PCDHA13: variants seen among roughly 807,000 people sequenced by gnomAD.
PCDHA13 encodes the protein protocadherin alpha 13.
A neutral mutation model predicts 64.8 loss-of-function variants in PCDHA13; 54 were observed. That is an observed-to-expected ratio of 0.83 (90% CI 0.67 to 1.04). The LOEUF (loss-of-function observed/expected upper bound fraction) is 1.04, where lower values mean the gene tolerates loss of function less well. Ranked by LOEUF, PCDHA13 falls within the 50% of genes least tolerant of loss-of-function variation. The pLI is 0.00. For synonymous variants in PCDHA13, 587 were observed against 564.4 expected (o/e 1.04, Z -0.57); for missense variants, 1,248 against 1,254.3 (o/e 0.99, Z 0.08).
intron 1 of PCDHA13, among the ~76,000 whole-genome samples, chr5:140,917,329 GA>G (rs1467900886): frequency 0.012 from 1,654 of 143,658 alleles, 142 homozygotes; most frequent in African/African-American, 0.032. Context: ...TGTGGCGGGG[GA>G]GGGGGGGGAT....
intron 1 of PCDHA13, among the ~76,000 whole-genome samples, chr5:140,931,683 A>C (rs1482331530): frequency 6.6e-6 from 1 of 151,950 alleles, no homozygotes; most frequent in Non-Finnish European, 1.5e-5. Flanking sequence ...AAATAAATGA[A>C]TTGTGATTCA....
At chr5:140,909,598 T>A (rs934160611) in intron 1 of PCDHA13, among the ~76,000 whole-genome samples, 1 of 152,198 alleles carries the variant, frequency 6.6e-6, no homozygotes, top group Non-Finnish European at 1.5e-5. Flanking sequence ...ATTTACTATT[T>A]TTCTAGGTAG....
intron 1 of PCDHA13, among the ~76,000 whole-genome samples, chr5:140,960,167 CTTAAG>C (rs1291277794): frequency 1.3e-5 from 2 of 152,052 alleles, no homozygotes; most frequent in Non-Finnish European, 2.9e-5. Context: ...TAATACAATT[CTTAAG>C]TTAGGGGTTG....
intron 3 of PCDHA13, among the ~76,000 whole-genome samples, chr5:140,988,416 A>G (rs1462025901): frequency 6.6e-6 from 1 of 152,118 alleles, no homozygotes; most frequent in Non-Finnish European, 1.5e-5. Flanking sequence ...AGCTTATGTA[A>G]AGAATTTGTT....
chr5:140,925,166 A>G (rs2082364629), intron 1 of PCDHA13, among the ~76,000 whole-genome samples: 1 of 152,126 alleles, frequency 6.6e-6, no homozygotes, highest in Admixed American at 6.5e-5. Context: ...GAATTGTGTA[A>G]TTGACCCCAA....
intron 1 of PCDHA13, among the ~76,000 whole-genome samples, chr5:140,895,002 A>C (rs1003440406): frequency 6.6e-6 from 1 of 152,030 alleles, no homozygotes; most frequent in Non-Finnish European, 1.5e-5. Flanking sequence ...TACCCTTTTT[A>C]CTTGGACCTT....
intron 1 of PCDHA13, among the ~76,000 whole-genome samples, chr5:140,913,380 T>C (rs1436602497): frequency 6.6e-6 from 1 of 152,226 alleles, no homozygotes; most frequent in Non-Finnish European, 1.5e-5. Context: ...ATATAGTGGC[T>C]CATCATAGCC....
intron 1 of PCDHA13, among the ~76,000 whole-genome samples, chr5:140,913,558 G>C (rs1042223174): frequency 2.6e-5 from 4 of 151,668 alleles, no homozygotes; most frequent in African/African-American, 4.8e-5. Flanking sequence ...TTGATCTCTT[G>C]TATTTTCATC....
intron 1 of PCDHA13, chr5:140,966,616 G>A: frequency 1.3e-6 from 1 of 788,372 alleles, no homozygotes; most frequent in South Asian, 2.7e-5. Context: ...AGGGCCTACG[G>A]AGGGAGCGGC....
At chr5:140,945,838 G>A (rs1415502139) in intron 1 of PCDHA13, among the ~76,000 whole-genome samples, 2 of 151,896 alleles carry the variant, frequency 1.3e-5, no homozygotes, top group African/African-American at 4.8e-5. Context: ...AACTCAAAAT[G>A]GATTAAAGAC....
intron 1 of PCDHA13, among the ~76,000 whole-genome samples, chr5:140,961,356 CA>C (rs1164957121): frequency 1.3e-5 from 2 of 152,168 alleles, no homozygotes; most frequent in Non-Finnish European, 2.9e-5. Context: ...CTGTAGTCCC[CA>C]TTAGAATTCT....
intron 1 of PCDHA13, among the ~76,000 whole-genome samples, chr5:140,961,121 T>A (rs551567804): frequency 6.6e-6 from 1 of 152,330 alleles, no homozygotes; most frequent in African/African-American, 2.4e-5. Context: ...TGCATCTTAA[T>A]GTCTTGGCAC....
intron 1 of PCDHA13, among the ~76,000 whole-genome samples, chr5:140,969,768 T>G (rs1250957386): frequency 1.3e-5 from 2 of 152,198 alleles, no homozygotes; most frequent in Admixed American, 1.3e-4. Context: ...CTCTGAGGCC[T>G]CTAGGGGCTA....
chr5:140,961,027 C>G (rs1222428259), intron 1 of PCDHA13, among the ~76,000 whole-genome samples: 1 of 152,164 alleles, frequency 6.6e-6, no homozygotes, highest in Non-Finnish European at 1.5e-5. Flanking sequence ...CTTGCTACCT[C>G]CTTGTTTTGA....
At position 141,010,334 on chromosome 5, in the gene PCDHA13, T is replaced by C; in HGVS notation, c.*397T>C. On this transcript the variant is annotated 3_prime_UTR_variant, in exon 4 of 4. Transcript: ENST00000289272. The stretch of plus-strand genomic sequence containing the variant: ...TGAGATTGAGCAGCTTGGGAGTTTG[T>C]GGCCACTGGGTATGTGTGGCTACCG... The C allele has an allele frequency of 2.0e-6, 3 of 1,537,004 alleles. No homozygotes were observed. The East Asian group carries it at 7.4e-5, about 38-fold the overall frequency.
intron 1 of PCDHA13, among the ~76,000 whole-genome samples, chr5:140,936,603 C>T (rs552102837): frequency 2.0e-5 from 3 of 152,324 alleles, no homozygotes; most frequent in Admixed American, 6.5e-5. Context: ...CTACTTTCCT[C>T]GCTGCTACTG....
At chr5:140,926,373 G>T (rs1040164585) in intron 1 of PCDHA13, 1 of 152,370 alleles carries the variant, frequency 6.6e-6, no homozygotes, top group African/African-American at 2.4e-5. Flanking sequence ...GGCAGGAAGA[G>T]CCCAGCTGGG....
At chr5:140,890,752 G>A (rs2062783323) in intron 1 of PCDHA13, among the ~76,000 whole-genome samples, 1 of 151,990 alleles carries the variant, frequency 6.6e-6, no homozygotes, top group East Asian at 1.9e-4. Context: ...TTTCTGTCAT[G>A]CTTTAAAAAT....
chr5:140,922,577 T>A (rs155818), intron 1 of PCDHA13, among the ~76,000 whole-genome samples: 2 of 152,016 alleles, frequency 1.3e-5, no homozygotes, highest in East Asian at 1.9e-4. Flanking sequence ...AGTTGCCCTG[T>A]AGCCGCCAGT....
Sources: gnomAD v4.1 joint callset for allele counts (sites outside exome capture counted in the v4.1 genomes callset) on GRCh38, gnomAD v4.1.1 for gene constraint, MANE v1.5 for transcripts, NCBI Gene and HGNC (gene_info 2026-07-23, HGNC 2026-07-21) for gene names.